GLI3: variants seen among roughly 807,000 people sequenced by gnomAD.
The protein encoded by GLI3 is GLI family zinc finger 3.
In GLI3, 20 loss-of-function variants were observed where a neutral mutation model predicts 100.8. That is an observed-to-expected ratio of 0.20 (90% CI 0.14 to 0.29). The LOEUF (loss-of-function observed/expected upper bound fraction) is 0.29. GLI3 is among the 10% of genes least tolerant of loss of function. The pLI is 1.00. For synonymous variants in GLI3, 938 were observed against 860.5 expected, an observed-to-expected ratio of 1.09 and a Z score of -1.58; for missense variants, 2,040 against 2,128.5, an observed-to-expected ratio of 0.96 and a Z score of 0.82.
chr7:42,132,245 C>CGCCCGCTACCACGCCT lies in GLI3; in HGVS notation c.367+15980_367+15981insAGGCGTGGTAGCGGGC, dbSNP rs1554332097. Among the ~76,000 whole-genome samples, 559 of 145,598 alleles carry CGCCCGCTACCACGCCT rather than the reference C, an allele frequency of 3.8e-3. 23 individuals are homozygous for CGCCCGCTACCACGCCT. Among genetic ancestry groups the CGCCCGCTACCACGCCT allele is most frequent in the Admixed American group, 0.035 (514 of 14,804 alleles). On this transcript the variant is annotated intron_variant, in intron 3 of 14. Transcript: ENST00000395925. ...CCTCCCGAGTAGCTGGGACTACAGG[C>CGCCCGCTACCACGCCT]GCCCGCCACTACGCCCGGCTAATTT...
At chr7:42,263,361 G>A (rs1009906775) in intron 1 of GLI3, among the ~76,000 whole-genome samples, 2 of 152,158 alleles carry the variant, frequency 1.3e-5, no homozygotes, top group Non-Finnish European at 2.9e-5. Context: ...TTAGGTGGAA[G>A]GGTTGAAAGA....
At chr7:42,083,131 G>A (rs938306462) in intron 3 of GLI3, among the ~76,000 whole-genome samples, 1 of 152,084 alleles carries the variant, frequency 6.6e-6, no homozygotes, top group Non-Finnish European at 1.5e-5. Context: ...AACAAACATT[G>A]GGTCTCATTC....
chr7:42,223,806 GT>G (rs1197547083), intron 1 of GLI3, among the ~76,000 whole-genome samples: 2 of 152,228 alleles, frequency 1.3e-5, no homozygotes, highest in Non-Finnish European at 2.9e-5. Context: ...TTCAGGCCAA[GT>G]AGTCAGTGAT....
chr7:41,961,211 T>A lies in GLI3; in HGVS notation c.*3119A>T, dbSNP rs1040134691. 1 of 152,554 alleles carries A rather than the reference T, an allele frequency of 6.6e-6. No individual in the cohort carries two copies. 9.5% of individuals were successfully genotyped at this position (152,554 alleles called of 1,614,324 possible). A position where few individuals can be genotyped will look rare whatever the true frequency, so the allele number is the denominator to read the frequency against. On this transcript the variant is annotated 3_prime_UTR_variant, in exon 15 of 15. Transcript: ENST00000395925. ...AAAAAGGATTACACATTTTATTTTT[T>A]AAAAAAATCTAAAAAAGGTGAAAAA...
intron 3 of GLI3, among the ~76,000 whole-genome samples, chr7:42,131,303 A>G (rs1023540314): frequency 6.6e-6 from 1 of 152,098 alleles, no homozygotes; most frequent in African/African-American, 2.4e-5. Flanking sequence ...TATGGTTGGG[A>G]GGTTGGGGAG....
intron 12 of GLI3, among the ~76,000 whole-genome samples, chr7:41,974,164 G>A (rs1308316310): frequency 6.6e-6 from 1 of 152,142 alleles, no homozygotes; most frequent in Non-Finnish European, 1.5e-5. Context: ...GTAAATATAT[G>A]GATGTACATT....
At chr7:42,174,766 C>T (rs960986977) in intron 2 of GLI3, among the ~76,000 whole-genome samples, 4 of 152,184 alleles carry the variant, frequency 2.6e-5, no homozygotes, top group African/African-American at 9.7e-5. Context: ...ACGGCACGGG[C>T]GAGGAGTCTG....
chr7:41,977,509 T>C (rs1326444279), intron 12 of GLI3, 49 bp downstream of exon 12: 3 of 1,585,530 alleles, frequency 1.9e-6, no homozygotes, highest in Non-Finnish European at 2.6e-6. Flanking sequence ...TTCCCCGGGA[T>C]AGTTCTTTGT....
intron 2 of GLI3, among the ~76,000 whole-genome samples, chr7:42,204,046 C>A (rs541975999): frequency 6.6e-6 from 1 of 152,138 alleles, no homozygotes; most frequent in South Asian, 2.1e-4. Context: ...TCATTCTCCC[C>A]ACTCCAAACC....
intron 10 of GLI3, among the ~76,000 whole-genome samples, chr7:42,019,169 G>A (rs1441188648): frequency 6.6e-6 from 1 of 152,136 alleles, no homozygotes; most frequent in Admixed American, 6.6e-5. Flanking sequence ...TTCGATCTCA[G>A]CACTGATGTT....
At chr7:42,238,946 A>G (rs921215085), upstream of GLI3, among the ~76,000 whole-genome samples, 1 of 152,208 alleles carries the variant, frequency 6.6e-6, no homozygotes, top group Non-Finnish European at 1.5e-5. Flanking sequence ...AGCTATTAGA[A>G]TTTGAAGAGC....
intron 2 of GLI3, among the ~76,000 whole-genome samples, chr7:42,214,578 T>A: frequency 6.9e-6 from 1 of 144,848 alleles, no homozygotes; most frequent in Non-Finnish European, 1.5e-5. Flanking sequence ...ATAACTTTAA[T>A]ACAAAAATTC....
At chr7:41,967,562 C>T in intron 14 of GLI3, 34 bp downstream of exon 14, 1 of 1,488,090 alleles carries the variant, frequency 6.7e-7, no homozygotes, top group Non-Finnish European at 9.3e-7. Flanking sequence ...AAAAAAAAAC[C>T]CTGAGCAGAT....
At chr7:42,035,018 T>C (rs1308493552) in intron 7 of GLI3, among the ~76,000 whole-genome samples, 1 of 152,168 alleles carries the variant, frequency 6.6e-6, no homozygotes, top group Non-Finnish European at 1.5e-5. Context: ...AAATACTATA[T>C]AAAACTAACT....
intron 1 of GLI3, among the ~76,000 whole-genome samples, chr7:42,249,853 G>T (rs1273095566): frequency 6.6e-6 from 1 of 152,084 alleles, no homozygotes; most frequent in Non-Finnish European, 1.5e-5. Flanking sequence ...CCAGCACTTT[G>T]GGAGGCTGAG....
chr7:42,204,384 T>C (rs922198581), intron 2 of GLI3, among the ~76,000 whole-genome samples: 4 of 152,168 alleles, frequency 2.6e-5, no homozygotes, highest in Admixed American at 2.0e-4. Context: ...GTCTTCCCCC[T>C]GCCATCACTA....
Position 42,171,866 on chromosome 7 carries a change from A to G in GLI3, c.125-23398T>C, listed in dbSNP as rs1196267018. Among the ~76,000 whole-genome samples, 7 of 152,172 alleles carry G rather than the reference A, an allele frequency of 4.6e-5. No individual in the cohort carries two copies. The South Asian group carries it at 1.2e-3, about 27-fold the overall frequency. ...ACTGTGCCATGATCTGTTTTTATCT[A>G]TTTTTCTTAGAAATTTTAATGGTAT... On this transcript the variant is annotated intron_variant, in intron 2 of 14. Transcript: ENST00000395925.
At chr7:42,116,829 C>CCAAA (rs1562739098) in intron 3 of GLI3, among the ~76,000 whole-genome samples, 1 of 125,398 alleles carries the variant, frequency 8.0e-6, no homozygotes, top group Non-Finnish European at 1.6e-5. Context: ...TAAGAGGTCT[C>CCAAA]ATAAGAGACC....
intron 4 of GLI3, among the ~76,000 whole-genome samples, chr7:42,055,098 C>A (rs147368500): frequency 1.1e-5 from 1 of 95,186 alleles, no homozygotes; most frequent in African/African-American, 5.5e-5. Flanking sequence ...CATATATACA[C>A]ATATATGTAT....
Sources: allele counts gnomAD v4.1 joint callset (sites outside exome capture counted in the v4.1 genomes callset), GRCh38; gene constraint gnomAD v4.1.1; transcripts MANE v1.5; gene names NCBI Gene and HGNC (gene_info 2026-07-23, HGNC 2026-07-21).